WDPCP: variants seen among roughly 807,000 people sequenced by gnomAD.
The protein encoded by WDPCP is WD repeat-containing and planar cell polarity effector protein fritz homolog.
WDPCP carries 71 observed loss-of-function variants against 93.1 expected under a neutral mutation model. That is an observed-to-expected ratio of 0.76 (90% CI 0.63 to 0.93). The LOEUF is 0.93. Ranked by LOEUF, WDPCP falls within the 40% of genes least tolerant of loss-of-function variation. The probability of loss-of-function intolerance (pLI) is 0.00; values close to 1 mark genes in which losing one functional copy is unlikely to be tolerated. For synonymous variants in WDPCP, 315 were observed against 315.0 expected (o/e 1.00, Z 0.00); for missense variants, 844 against 887.4 (o/e 0.95, Z 0.62).
intron 2 of WDPCP, among the ~76,000 whole-genome samples, chr2:63,732,223 G>T (rs371854429): frequency 2.6e-5 from 4 of 152,238 alleles, no homozygotes; most frequent in African/African-American, 9.6e-5. Flanking sequence ...TATAAAGAAT[G>T]AGCAACATGA....
chr2:63,459,987 T>A (rs1698897954), intron 6 of WDPCP, among the ~76,000 whole-genome samples: 1 of 151,968 alleles, frequency 6.6e-6, no homozygotes, highest in African/African-American at 2.4e-5. Context: ...TTGGTATCTA[T>A]CCAAAGAAAA....
At chr2:63,229,097 G>C (rs1678588721) in intron 14 of WDPCP, 1 of 152,134 alleles carries the variant, frequency 6.6e-6, no homozygotes, top group Non-Finnish European at 1.5e-5. Flanking sequence ...AGCACATGTT[G>C]TTTGCTGACT....
intron 14 of WDPCP, among the ~76,000 whole-genome samples, chr2:63,203,008 G>C (rs1351860907): frequency 6.6e-6 from 1 of 152,000 alleles, no homozygotes; most frequent in Non-Finnish European, 1.5e-5. Flanking sequence ...TTGTTTCATT[G>C]TACACACGTA....
At chr2:63,325,369 T>C (rs925194021) in intron 12 of WDPCP, among the ~76,000 whole-genome samples, 1 of 152,154 alleles carries the variant, frequency 6.6e-6, no homozygotes, top group Non-Finnish European at 1.5e-5. Flanking sequence ...CAGAGTGCAA[T>C]GGTTCTCTGG....
At chr2:63,393,352 A>G (rs1291386818) in intron 10 of WDPCP, among the ~76,000 whole-genome samples, 1 of 151,876 alleles carries the variant, frequency 6.6e-6, no homozygotes, top group Non-Finnish European at 1.5e-5. Flanking sequence ...ACTTGGACAC[A>G]GGAAGGGGAA....
At chr2:63,527,998 G>A (rs1226583653) in intron 1 of WDPCP, among the ~76,000 whole-genome samples, 2 of 151,988 alleles carry the variant, frequency 1.3e-5, no homozygotes, top group African/African-American at 2.4e-5. Flanking sequence ...TCATGTGTCT[G>A]TTGGCTGCAT....
chr2:63,643,592 G>T, intron 3 of WDPCP: 1 of 435,930 alleles, frequency 2.3e-6, no homozygotes. Flanking sequence ...TTGATGAGGG[G>T]ATCAGGGTAG....
At position 63,417,979 on chromosome 2, in the gene WDPCP, T is replaced by C. The variant is rs13421531; in HGVS notation, c.826-13322A>G. ...AATGTGATAGACCAAGATGATAAAG[T>C]GCAAATACCTGCATTTTAGCAGCTT... On this transcript the variant is annotated intron_variant, in intron 9 of 17. Coordinates refer to ENST00000272321, the MANE Select transcript of WDPCP (RefSeq NM_015910.7). Among the ~76,000 whole-genome samples the C allele has an allele frequency of 1.2e-3, 190 of 152,116 alleles. 1 individual carries two copies. Among genetic ancestry groups the C allele is most frequent in the Middle Eastern group, 0.01 (3 of 294 alleles).
intron 12 of WDPCP, among the ~76,000 whole-genome samples, chr2:63,372,950 C>G (rs891182675): frequency 6.6e-6 from 1 of 151,964 alleles, no homozygotes; most frequent in African/African-American, 2.4e-5. Flanking sequence ...ATGGAGAAAC[C>G]CCATCTCTAC....
rs1669585506 is a variant in WDPCP, at chr2:63,122,145, A to T, written c.2191-89T>A. ...ATCTTTATTATTTTTAAGTACTGAA[A>T]AATAGTGAAACAAAATAAAATAGTT... is the stretch of plus-strand genomic sequence containing the variant. On this transcript the variant is annotated intron_variant, in intron 17 of 17. Coordinates refer to ENST00000272321, the MANE Select transcript of WDPCP (RefSeq NM_015910.7). 3.8e-5 allele frequency: 40 copies of T among 1,064,070 alleles called. No individual in the cohort carries two copies. The South Asian group carries it at 5.0e-4, about 13-fold the overall frequency. The allele number at this position is 1,064,070 out of a possible 1,614,324, so 65.9% of individuals were successfully genotyped here. A position where few individuals can be genotyped will look rare whatever the true frequency, so the allele number is the denominator to read the frequency against.
chr2:63,255,395 A>G (rs1176000713), intron 14 of WDPCP, among the ~76,000 whole-genome samples: 1 of 152,162 alleles, frequency 6.6e-6, no homozygotes, highest in Non-Finnish European at 1.5e-5. Flanking sequence ...TTGAAATGTA[A>G]TCCCCCATGT....
chr2:63,691,873 A>AGT (rs71393325), intron 2 of WDPCP, among the ~76,000 whole-genome samples: 14,692 of 145,048 alleles, frequency 0.1, 708 homozygotes, highest in Middle Eastern at 0.16. Flanking sequence ...TATACTACAA[A>AGT]GTGTGTGTGT....
chr2:63,537,807 C>T (rs556488143), intron 1 of WDPCP, among the ~76,000 whole-genome samples: 4 of 152,284 alleles, frequency 2.6e-5, no homozygotes, highest in Non-Finnish European at 5.9e-5. Flanking sequence ...ATTTTAACTA[C>T]GTATTTACTT....
chr2:63,367,970 C>A (rs1421769580), intron 12 of WDPCP, among the ~76,000 whole-genome samples: 1 of 152,132 alleles, frequency 6.6e-6, no homozygotes, highest in African/African-American at 2.4e-5. Flanking sequence ...ACAATGTGAT[C>A]TTTGAGGAAA....
At chr2:63,833,205 G>A in the WDPCP span, among the ~76,000 whole-genome samples, 2 of 152,072 alleles carry the variant, frequency 1.3e-5, no homozygotes, top group African/African-American at 2.4e-5. Flanking sequence ...GTGAGCTGAG[G>A]CTATGCCACT....
intron 3 of WDPCP, among the ~76,000 whole-genome samples, chr2:63,640,163 G>A (rs1475022317): frequency 6.6e-6 from 1 of 152,080 alleles, no homozygotes; most frequent in East Asian, 1.9e-4. Context: ...CGCCCGCCAC[G>A]ACGCCCAGCT....
At chr2:63,249,485 G>GT (rs35279199) in intron 14 of WDPCP, among the ~76,000 whole-genome samples, 55,408 of 151,768 alleles carry the variant, frequency 0.37, 11,551 homozygotes, top group Non-Finnish European at 0.48. Context: ...TAATAAAGAT[G>GT]TTTATCTAGC....
the WDPCP span, among the ~76,000 whole-genome samples, chr2:63,833,977 A>G: frequency 2.1e-5 from 3 of 143,628 alleles, no homozygotes; most frequent in Admixed American, 2.1e-4. Flanking sequence ...GCCAACATAC[A>G]CACACACACA....
chr2:63,531,662 T>C (rs1703862830), intron 1 of WDPCP, among the ~76,000 whole-genome samples: 1 of 151,942 alleles, frequency 6.6e-6, no homozygotes, highest in Non-Finnish European at 1.5e-5. Context: ...CAGAAAAGAA[T>C]AACATCAACA....
Sources: gnomAD v4.1 joint callset for allele counts (sites outside exome capture counted in the v4.1 genomes callset) on GRCh38, gnomAD v4.1.1 for gene constraint, MANE v1.5 for transcripts, NCBI Gene and HGNC (gene_info 2026-07-23, HGNC 2026-07-21) for gene names.